NRG2: variants seen among roughly 807,000 people sequenced by gnomAD.
NRG2 encodes neuregulin 2.
Under a neutral mutation model 73.9 loss-of-function variants are expected in NRG2, and 27 were observed. The observed-to-expected ratio is 0.37, with a 90% confidence interval of 0.27 to 0.50. The LOEUF is 0.50. Ranked by LOEUF, NRG2 falls within the 20% of genes least tolerant of loss-of-function variation. The pLI, the probability that NRG2 is intolerant of heterozygous loss-of-function variation, is 0.96. For synonymous variants in NRG2, 532 were observed against 541.0 expected (o/e 0.98, Z 0.23); for missense variants, 1,126 against 1,210.1 (o/e 0.93, Z 1.03).
chr5:140,039,474 A>C (rs554487903), intron 1 of NRG2, among the ~76,000 whole-genome samples: 1 of 152,180 alleles, frequency 6.6e-6, no homozygotes, highest in East Asian at 1.9e-4. Context: ...AATGATACAC[A>C]TTAGATATGT....
intron 1 of NRG2, among the ~76,000 whole-genome samples, chr5:139,979,095 G>A (rs1177071985): frequency 9.2e-6 from 1 of 108,294 alleles, no homozygotes; most frequent in Non-Finnish European, 1.8e-5. Flanking sequence ...TGGGGTGGGG[G>A]GAGGGGGGAG....
chr5:139,943,326 T>G (rs2126435614), intron 1 of NRG2, among the ~76,000 whole-genome samples: 2 of 152,082 alleles, frequency 1.3e-5, no homozygotes, highest in East Asian at 3.9e-4. Flanking sequence ...TTTTTTGTAT[T>G]TTTAGTAGAG....
Position 139,867,789 on chromosome 5 carries a change from T to TGTGTATGA in NRG2, c.1113-2165_1113-2164insTCATACAC, listed in dbSNP as rs1561638637. The stretch of plus-strand genomic sequence containing the variant: ...GTGTGTGTGTGTGTGTGTGTGTGTG[T>TGTGTATGA]GTGTGTGTATGAGTGTGTGTGTGTG... On this transcript the variant is annotated intron_variant, in intron 4 of 9. Coordinates refer to ENST00000361474, the MANE Select transcript of NRG2 (RefSeq NM_004883.3). 3.5e-3 allele frequency among the ~76,000 whole-genome samples: 477 copies of TGTGTATGA among 137,580 alleles called. 1 individual carries two copies. The highest frequency in any genetic ancestry group is 5.7e-3 in the Non-Finnish European group (373 of 65,516). 90.3% of individuals were successfully genotyped at this position (137,580 alleles called of 152,430 possible). A position where few individuals can be genotyped will look rare whatever the true frequency, so the allele number is the denominator to read the frequency against.
intron 1 of NRG2, among the ~76,000 whole-genome samples, chr5:140,037,516 C>A (rs533437569): frequency 6.6e-6 from 1 of 152,298 alleles, no homozygotes; most frequent in Admixed American, 6.5e-5. Flanking sequence ...TAGATAAGAT[C>A]TTGGGCCAGG....
At position 140,042,752 on chromosome 5, in the gene NRG2, G is replaced by A. The variant is rs1762036171; in HGVS notation, c.318C>T (p.Phe106=). 2 of 1,556,038 alleles carry A rather than the reference G, an allele frequency of 1.3e-6. No individual in the cohort carries two copies. Among genetic ancestry groups the A allele is most frequent in the East Asian group, 2.4e-5 (1 of 41,346 alleles). The part of the protein sequence containing the change: ...DPAPGFSMLL[F]GVSLACYSPS... ...GCGAGTAGCAGGCGAGCGACACACC[G>A]AAGAGCAGCATGGAGAAGCCGGGGG... is the stretch of plus-strand genomic sequence containing the variant. Residue 106 remains phenylalanine (F), a synonymous_variant, in exon 1 of 10, where the codon TTC becomes TTT. Transcript: ENST00000361474.
chr5:139,991,013 T>C (rs1446081252), intron 1 of NRG2, among the ~76,000 whole-genome samples: 2 of 152,096 alleles, frequency 1.3e-5, no homozygotes, highest in Admixed American at 1.3e-4. Flanking sequence ...CGGTGGCTCA[T>C]GCCTGTAATC....
chr5:139,880,348 G>A (rs1346252651), intron 3 of NRG2, among the ~76,000 whole-genome samples: 1 of 152,178 alleles, frequency 6.6e-6, no homozygotes, highest in Non-Finnish European at 1.5e-5. Context: ...TTCAAGGAGT[G>A]AGGATGGCCT....
At chr5:139,895,588 C>A (rs2127153396) in intron 1 of NRG2, among the ~76,000 whole-genome samples, 1 of 152,328 alleles carries the variant, frequency 6.6e-6, no homozygotes. Context: ...CAATCCAGGT[C>A]TTTGTCCCAG....
At chr5:139,918,916 G>T (rs1751462020) in intron 1 of NRG2, among the ~76,000 whole-genome samples, 1 of 152,186 alleles carries the variant, frequency 6.6e-6, no homozygotes, top group East Asian at 1.9e-4. Context: ...TGGTGGAGAG[G>T]CCAGGAGGGA....
chr5:139,912,968 C>A (rs546528093), intron 1 of NRG2, among the ~76,000 whole-genome samples: 1 of 152,292 alleles, frequency 6.6e-6, no homozygotes, highest in Admixed American at 6.5e-5. Flanking sequence ...TCCTTGCCAT[C>A]AGCTGCTGCT....
At chr5:139,928,150 C>T (rs112912203) in intron 1 of NRG2, among the ~76,000 whole-genome samples, 1 of 152,182 alleles carries the variant, frequency 6.6e-6, no homozygotes, top group African/African-American at 2.4e-5. Context: ...GACCAGGACT[C>T]TTAGAATCAG....
intron 1 of NRG2, among the ~76,000 whole-genome samples, chr5:139,997,327 T>C (rs1758099096): frequency 6.6e-6 from 1 of 152,204 alleles, no homozygotes; most frequent in Non-Finnish European, 1.5e-5. Flanking sequence ...ACTCTGCCTT[T>C]GACCCAGACT....
At chr5:139,877,268 T>C (rs1381267505) in intron 3 of NRG2, among the ~76,000 whole-genome samples, 2 of 152,198 alleles carry the variant, frequency 1.3e-5, no homozygotes, top group Non-Finnish European at 2.9e-5. Context: ...CTGGCAGAGC[T>C]CTGACTATAA....
rs563927392 is a variant in NRG2, at chr5:139,906,831, G to A, written c.701-19320C>T. ...TGTAGTGAAGGAAGGCTTTCCCCAGGAAACACTTAAACTGGGATTTGAAGT... is the reference window on the plus strand; with the variant it reads ...TGTAGTGAAGGAAGGCTTTCCCCAGAAAACACTTAAACTGGGATTTGAAGT... On this transcript the variant is annotated intron_variant, in intron 1 of 9. Coordinates refer to ENST00000361474, the MANE Select transcript of NRG2 (RefSeq NM_004883.3). Among the ~76,000 whole-genome samples, 20 of 152,326 alleles carry A rather than the reference G, an allele frequency of 1.3e-4. No individual in the cohort carries two copies. In the East Asian group the frequency reaches 3.9e-3, roughly 29 times the overall value.
At position 139,870,406 on chromosome 5, in the gene NRG2, AG is replaced by A. The variant is rs1762764128; in HGVS notation, c.1112+1314del. Among the ~76,000 whole-genome samples the A allele has an allele frequency of 6.6e-6, 1 of 152,126 alleles. No individual in the cohort carries two copies. Among genetic ancestry groups the A allele is most frequent in the African/African-American group, 2.4e-5 (1 of 41,424 alleles). On this transcript the variant is annotated intron_variant, in intron 4 of 9. Transcript: ENST00000361474. This position sits in a 1 kb window ranked among gnomAD's most constrained non-coding sequence, Gnocchi z 4.4. ...AGCTGAGGAGGCCAGCCGGGGCAAG[AG>A]CCCCTCGTTACCATGTTGTTAGGTG...
chr5:140,002,563 G>A (rs1334734609), intron 1 of NRG2, among the ~76,000 whole-genome samples: 4 of 152,176 alleles, frequency 2.6e-5, no homozygotes, highest in African/African-American at 7.2e-5. Context: ...GAAAATAACA[G>A]TAAGGGCCAA....
chr5:139,904,541 A>C lies in NRG2; in HGVS notation c.701-17030T>G. The C allele has an allele frequency of 2.0e-6, 1 of 488,204 alleles. No homozygotes were observed. Among genetic ancestry groups the C allele is most frequent in the Non-Finnish European group, 3.6e-6 (1 of 278,442 alleles). The allele number at this position is 488,204 out of a possible 1,614,324, so 30.2% of individuals were successfully genotyped here. A position where few individuals can be genotyped will look rare whatever the true frequency, so the allele number is the denominator to read the frequency against. ...CGGGGGAGGGGAGCAGCGAGCCTTAACTCTTCCCCTCCCGCGCCCTCCACC... is the reference window on the plus strand; with the variant it reads ...CGGGGGAGGGGAGCAGCGAGCCTTACCTCTTCCCCTCCCGCGCCCTCCACC... On this transcript the variant is annotated intron_variant, in intron 1 of 9. Coordinates refer to ENST00000361474, the MANE Select transcript of NRG2 (RefSeq NM_004883.3). The surrounding 1 kb of genome is among the most constrained non-coding windows in gnomAD (Gnocchi z 6.0).
In NRG2 at chr5:139,987,792, G is replaced by A. The variant is rs1459008549; in HGVS notation, c.700+54578C>T. ...AGGTTGTTTTTTTTTTTTTTTTTTT[G>A]AGACGAGAGTCTCACTCTGTTGCCC... On this transcript the variant is annotated intron_variant, in intron 1 of 9. Coordinates refer to ENST00000361474, the MANE Select transcript of NRG2 (RefSeq NM_004883.3). Among the ~76,000 whole-genome samples, 6 of 40,418 alleles carry A rather than the reference G, an allele frequency of 1.5e-4. No homozygotes were observed. In the Admixed American group the frequency reaches 1.6e-3, roughly 11 times the overall value. 26.5% of individuals were successfully genotyped at this position (40,418 alleles called of 152,430 possible). A position where few individuals can be genotyped will look rare whatever the true frequency, so the allele number is the denominator to read the frequency against.
chr5:139,939,857 C>CA (rs559365797), intron 1 of NRG2, among the ~76,000 whole-genome samples: 2 of 151,826 alleles, frequency 1.3e-5, no homozygotes, highest in South Asian at 2.1e-4. Flanking sequence ...ATAGCAATGG[C>CA]AAAAAAAGTA....
Sources: allele counts gnomAD v4.1 joint callset (sites outside exome capture counted in the v4.1 genomes callset), GRCh38; gene constraint gnomAD v4.1.1; non-coding constraint Gnocchi (gnomAD v3.1); transcripts MANE v1.5; gene names NCBI Gene and HGNC (gene_info 2026-07-23, HGNC 2026-07-21).